ARID4B: variants seen among roughly 807,000 people sequenced by gnomAD.
ARID4B encodes AT-rich interaction domain 4B.
ARID4B carries 26 observed loss-of-function variants against 147.5 expected under a neutral mutation model. That is an observed-to-expected ratio of 0.18 (90% CI 0.13 to 0.24). The LOEUF (loss-of-function observed/expected upper bound fraction) is 0.24. Ranked by LOEUF, ARID4B falls within the 10% of genes least tolerant of loss-of-function variation. The pLI, the probability that ARID4B is intolerant of heterozygous loss-of-function variation, is 1.00. For synonymous variants in ARID4B, 512 were observed against 507.9 expected, an observed-to-expected ratio of 1.01 and a Z score of -0.11; for missense variants, 1,179 against 1,511.5, an observed-to-expected ratio of 0.78 and a Z score of 3.65.
chr1:235,200,073 C>CTATGGGAG (rs1465367452), intron 17 of ARID4B, among the ~76,000 whole-genome samples: 10 of 150,948 alleles, frequency 6.6e-5, no homozygotes, highest in African/African-American at 2.2e-4. Context: ...AATCCCAGAA[C>CTATGGGAG]TATGGGAGGC....
At chr1:235,326,577 A>G (rs1032528733) in intron 2 of ARID4B, among the ~76,000 whole-genome samples, 6 of 152,268 alleles carry the variant, frequency 3.9e-5, no homozygotes, top group African/African-American at 1.4e-4. Flanking sequence ...TGATAGAACC[A>G]CAATACAGTT....
intron 22 of ARID4B, among the ~76,000 whole-genome samples, chr1:235,174,840 TC>T (rs1014736256): frequency 6.6e-6 from 1 of 151,200 alleles, no homozygotes; most frequent in Non-Finnish European, 1.5e-5. Flanking sequence ...GCGCAGTGGC[TC>T]ATGCCTGTAA....
chr1:235,208,812 C>T (rs1015121768), intron 17 of ARID4B, among the ~76,000 whole-genome samples: 10 of 152,070 alleles, frequency 6.6e-5, no homozygotes, highest in Non-Finnish European at 1.2e-4. Context: ...CCACCGTGCC[C>T]GGCCGGCCAG....
At chr1:235,232,887 G>C (rs1452308204) in intron 9 of ARID4B, among the ~76,000 whole-genome samples, 1 of 151,984 alleles carries the variant, frequency 6.6e-6, no homozygotes, top group Non-Finnish European at 1.5e-5. Context: ...ACCCAGGCTG[G>C]AGTGCAATGG....
Position 235,181,400 on chromosome 1 carries a change from T to C in ARID4B, c.3334+185A>G, listed in dbSNP as rs1664297538. On this transcript the variant is annotated intron_variant, in intron 20 of 23. Coordinates refer to ENST00000264183, the MANE Select transcript of ARID4B (RefSeq NM_016374.6). ...GGCTCAAGCAAAGCACATTAAAGCC[T>C]TCTCAAGCTTTTAAATGCATTCCAC... The C allele has an allele frequency of 3.6e-6, 3 of 841,618 alleles. No individual in the cohort carries two copies. The African/African-American group carries it at 5.2e-5, about 14-fold the overall frequency. The allele number at this position is 841,618 out of a possible 1,614,324, so 52.1% of individuals were successfully genotyped here.
At chr1:235,235,497 T>C (rs12036412) in intron 8 of ARID4B, among the ~76,000 whole-genome samples, 41,928 of 152,076 alleles carry the variant, frequency 0.28, 7,356 homozygotes, top group South Asian at 0.53. Flanking sequence ...ATGACACTGG[T>C]GTATGAGTAA....
At chr1:235,229,876 G>A (rs1259844507) in intron 10 of ARID4B, among the ~76,000 whole-genome samples, 1 of 152,138 alleles carries the variant, frequency 6.6e-6, no homozygotes, top group Non-Finnish European at 1.5e-5. Context: ...ACTAAAATTA[G>A]CTAGACACAA....
chr1:235,300,717 T>A (rs978953707), intron 2 of ARID4B, among the ~76,000 whole-genome samples: 2 of 152,110 alleles, frequency 1.3e-5, no homozygotes, highest in Admixed American at 6.5e-5. Flanking sequence ...TACTTTTTTT[T>A]TTATTTTTTG....
At chr1:235,296,334 C>CCTT (rs1415695587) in intron 2 of ARID4B, 4 of 152,498 alleles carry the variant, frequency 2.6e-5, no homozygotes, top group Non-Finnish European at 5.9e-5. Context: ...TTGGGATCAT[C>CCTT]TAAAGTGAGC....
At chr1:235,290,997 G>A (rs971102854) in intron 2 of ARID4B, among the ~76,000 whole-genome samples, 2 of 152,214 alleles carry the variant, frequency 1.3e-5, no homozygotes, top group Non-Finnish European at 2.9e-5. Context: ...TGTTCAGGAG[G>A]CTGAGGTTGG....
At chr1:235,230,888 AC>A (rs911026602) in intron 10 of ARID4B, among the ~76,000 whole-genome samples, 28 of 150,536 alleles carry the variant, frequency 1.9e-4, no homozygotes, top group African/African-American at 6.9e-4. Flanking sequence ...GCGCCACTCC[AC>A]CCTGGGCGAC....
chr1:235,322,546 C>G (rs1482784804), intron 2 of ARID4B, among the ~76,000 whole-genome samples: 4 of 152,202 alleles, frequency 2.6e-5, no homozygotes, highest in Non-Finnish European at 4.4e-5. Flanking sequence ...GATGTCAACT[C>G]CACCAGAAAA....
rs1663813585 is a variant in ARID4B, at chr1:235,175,631, A to C, written c.3449-232T>G. ...TATACTTTTAAAATCACTCACACTA[A>C]TCTATCATTATGCTTGGTAGACTGT... On this transcript the variant is annotated intron_variant, in intron 21 of 23. Coordinates refer to ENST00000264183, the MANE Select transcript of ARID4B (RefSeq NM_016374.6). The C allele has an allele frequency of 3.5e-5, 17 of 481,330 alleles. No homozygotes were observed. In the South Asian group the frequency reaches 3.9e-4, roughly 11 times the overall value. The allele number at this position is 481,330 out of a possible 1,614,324, so 29.8% of individuals were successfully genotyped here.
intron 20 of ARID4B, chr1:235,181,045 A>T (rs1439030886): frequency 1.1e-6 from 1 of 895,188 alleles, no homozygotes; most frequent in Admixed American, 6.0e-5. Context: ...CATCTAAGAA[A>T]GCATCAAATT....
rs983970116 is a variant in ARID4B, at chr1:235,290,962, G to A, written c.7-30210C>T. Among the ~76,000 whole-genome samples, 37 of 152,194 alleles carry A rather than the reference G, an allele frequency of 2.4e-4. 1 individual carries two copies. The highest frequency in any genetic ancestry group is 8.2e-4 in the African/African-American group (34 of 41,450). On this transcript the variant is annotated intron_variant, in intron 2 of 23. Coordinates refer to ENST00000264183, the MANE Select transcript of ARID4B (RefSeq NM_016374.6). ...AAATTTGTTTTAATTAGCTGGGCAT[G>A]GTAGCACACACCTGCAGTCCCACCT...
intron 23 of ARID4B, among the ~76,000 whole-genome samples, chr1:235,170,497 G>C (rs1314568297): frequency 6.6e-6 from 1 of 152,100 alleles, no homozygotes; most frequent in African/African-American, 2.4e-5. Flanking sequence ...CCAGCACTTT[G>C]GGAGGACTAG....
chr1:235,177,672 C>T (rs968132058), intron 21 of ARID4B, 128 bp downstream of exon 21: 6 of 554,488 alleles, frequency 1.1e-5, no homozygotes, highest in East Asian at 6.3e-5. Context: ...ATTTGTGTGA[C>T]TTTTTTTGAG....
chr1:235,248,840 T>C (rs1183995734), intron 6 of ARID4B, among the ~76,000 whole-genome samples: 1 of 152,154 alleles, frequency 6.6e-6, no homozygotes, highest in African/African-American at 2.4e-5. Context: ...AGGGTAGAAT[T>C]TGTCCCATCT....
chr1:235,268,794 T>A (rs1461782853), intron 2 of ARID4B, among the ~76,000 whole-genome samples: 1 of 152,044 alleles, frequency 6.6e-6, no homozygotes, highest in Non-Finnish European at 1.5e-5. Context: ...TCTAAATAAC[T>A]CTCTCCATTA....
Sources: gnomAD v4.1 joint callset for allele counts (sites outside exome capture counted in the v4.1 genomes callset) on GRCh38, gnomAD v4.1.1 for gene constraint, MANE v1.5 for transcripts, NCBI Gene and HGNC (gene_info 2026-07-23, HGNC 2026-07-21) for gene names.